BRWD3: variants seen among roughly 807,000 people sequenced by gnomAD.
The protein encoded by BRWD3 is bromodomain and WD repeat-containing protein 3.
A neutral mutation model predicts 149.7 loss-of-function variants in BRWD3; 10 were observed. The observed-to-expected ratio is 0.07, with a 90% CI of 0.04 to 0.11. BRWD3 has a LOEUF of 0.11. BRWD3 is among the 10% of genes least tolerant of loss of function. BRWD3 has a pLI of 1.00. For missense variants in BRWD3, 940 were observed against 1,373.2 expected, an observed-to-expected ratio of 0.68 and a Z score of 4.99; for synonymous variants, 504 against 456.7, an observed-to-expected ratio of 1.10 and a Z score of -1.32.
intron 22 of BRWD3, among the ~76,000 whole-genome samples, chrX:80,706,158 GAGTGC>G (rs2072861266): frequency 9.1e-6 from 1 of 110,392 alleles, no homozygotes; most frequent in South Asian, 3.9e-4. Flanking sequence ...GCACAGGCTG[GAGTGC>G]AATGGCGCAA....
chrX:80,732,697 A>C (rs1265379021), intron 12 of BRWD3, among the ~76,000 whole-genome samples: 2 of 111,988 alleles, frequency 1.8e-5, no homozygotes, highest in African/African-American at 6.5e-5. Flanking sequence ...AGCAGGGTAC[A>C]TCAATTAGGC....
Position 80,736,088 on chromosome X carries a change from ACT to A in BRWD3, c.814-2_814-1del. The A allele has an allele frequency of 8.8e-7, 1 of 1,138,276 alleles. No homozygotes were observed. The highest frequency in any genetic ancestry group is 1.8e-5 in the African/African-American group (1 of 56,019). 93.8% of individuals were successfully genotyped at this position (1,138,276 alleles called of 1,213,427 possible). On this transcript the variant is annotated splice_acceptor_variant, in intron 8 of 40. Coordinates refer to ENST00000373275, the MANE Select transcript of BRWD3 (RefSeq NM_153252.5). LOFTEE classifies it high-confidence loss of function. ...TTTGTGCCTTTAGTTGATGGACAAA[ACT>A]TAAAAAAAAAAAAATCTGATTCAAA...
chrX:80,682,014 G>A lies in BRWD3; in HGVS notation c.4478C>T (p.Ser1493Phe), dbSNP rs770061632. 2 of 1,205,779 alleles carry A rather than the reference G, an allele frequency of 1.7e-6. No homozygotes were observed. The highest frequency in any genetic ancestry group is 3.5e-5 in the South Asian group (2 of 56,862). Residue 1493 changes from serine (S) to phenylalanine (F), a missense_variant, in exon 39 of 41, where the codon TCT becomes TTT. Physicochemically the swap from Ser to Phe is radical, Grantham distance 155. This residue lies in a region of BRWD3 where 349 missense variants were observed against 419.6 expected (regional missense o/e 0.83). Coordinates refer to ENST00000373275, the MANE Select transcript of BRWD3 (RefSeq NM_153252.5). ...ATATTTACCAGGAGATGAGAAAGGA[G>A]AGCTAGTCCTGGCATGAGATACTGA... ...NTSVSHARTS[S>F]PFSSPVSDAA...
In BRWD3 at chrX:80,719,599, C is replaced by T; in HGVS notation, c.1934G>A (p.Ser645Asn). The T allele has an allele frequency of 8.3e-7, 1 of 1,209,972 alleles. No individual in the cohort carries two copies. Among genetic ancestry groups the T allele is most frequent in the Non-Finnish European group, 1.1e-6 (1 of 894,297 alleles). The change falls in exon 18 of 41, where the codon AGC (serine) becomes AAC (asparagine). Residue 645 changes from serine (S) to asparagine (N), a missense_variant. Physicochemically the swap from Ser to Asn is conservative, Grantham distance 46. Around this residue, in one of 6 missense-constraint regions of BRWD3, gnomAD observed 209 missense variants for 396.8 expected, o/e 0.53. Coordinates refer to ENST00000373275, the MANE Select transcript of BRWD3 (RefSeq NM_153252.5). ...CTCCCTGATTATTCCATCAAGAATG[C>T]TCTCATCTTGGTCATTGGTTTGCTG... ...IGQQTNDQDESILDGIIRELQ... is the reference protein window; with the variant it reads ...IGQQTNDQDENILDGIIRELQ...
intron 5 of BRWD3, 139 bp downstream of exon 5, chrX:80,793,483 A>T: frequency 1.5e-6 from 1 of 658,341 alleles, no homozygotes; most frequent in African/African-American, 2.2e-5. Context: ...TTACTTGTAC[A>T]CTAAGAAAAC....
chrX:80,712,566 G>A (rs1354647054), intron 20 of BRWD3, among the ~76,000 whole-genome samples: 11 of 109,681 alleles, frequency 1.0e-4, no homozygotes, highest in Non-Finnish European at 1.9e-5. Flanking sequence ...CTGCCCGGCC[G>A]CCACCCTGTC....
In BRWD3 at chrX:80,710,379, C is replaced by A; in HGVS notation, c.2326-802G>T. 8.9e-6 allele frequency: 3 copies of A among 335,760 alleles called. No individual in the cohort carries two copies. In the South Asian group the frequency reaches 1.0e-4, roughly 11 times the overall value. 27.7% of individuals were successfully genotyped at this position (335,760 alleles called of 1,213,427 possible). The stretch of plus-strand genomic sequence containing the variant: ...CCTGGTCATCTGCTGACTATTTTGA[C>A]TACAGAGCTACGTCCACTGGGGCCC... On this transcript the variant is annotated intron_variant, in intron 20 of 40. Transcript: ENST00000373275.
intron 6 of BRWD3, among the ~76,000 whole-genome samples, chrX:80,788,798 C>T (rs752472510): frequency 6.3e-5 from 7 of 111,795 alleles, no homozygotes; most frequent in African/African-American, 1.3e-4. Flanking sequence ...TGAAATGACA[C>T]GCATGAATTT....
chrX:80,750,857 TACACACACACAC>T (rs59394410), intron 6 of BRWD3, among the ~76,000 whole-genome samples: 19 of 93,948 alleles, frequency 2.0e-4, no homozygotes, highest in Admixed American at 6.0e-4. Context: ...ATGTGTTTTA[TACACACACACAC>T]ACACACACAC....
At chrX:80,709,352 G>T in intron 21 of BRWD3, 76 bp downstream of exon 21, 1 of 841,418 alleles carries the variant, frequency 1.2e-6, no homozygotes, top group Non-Finnish European at 1.7e-6. Context: ...TTAAAGAAGT[G>T]ACCCTTAAAC....
At position 80,788,571 on chromosome X, in the gene BRWD3, G is replaced by A. The variant is rs536291056; in HGVS notation, c.430+3283C>T. Among the ~76,000 whole-genome samples, 21 of 111,222 alleles carry A rather than the reference G, an allele frequency of 1.9e-4. No individual in the cohort carries two copies. The South Asian group carries it at 7.9e-3, about 42-fold the overall frequency. ...ATAATAGCTACTTTCACAACAGTTCGGCAGTTTCTTATAAAGTTAAAGTTG... is the reference window on the plus strand; with the variant it reads ...ATAATAGCTACTTTCACAACAGTTCAGCAGTTTCTTATAAAGTTAAAGTTG... On this transcript the variant is annotated intron_variant, in intron 6 of 40. Transcript: ENST00000373275.
At position 80,691,828 on chromosome X, in the gene BRWD3, G is replaced by C; in HGVS notation, c.3476C>G (p.Ser1159Cys). 3 of 1,209,948 alleles carry C rather than the reference G, an allele frequency of 2.5e-6. No individual in the cohort carries two copies. Among genetic ancestry groups the C allele is most frequent in the Non-Finnish European group, 3.4e-6 (3 of 895,083 alleles). Reference protein sequence around the residue: ...RVIQGINHLLSLDFASPFAVP... With the variant: ...RVIQGINHLLCLDFASPFAVP... ...TTTTTTCACATTCATCATACCCAGG[G>C]AAAGAAGGTGGTTGATGCCCTGAAT... Residue 1159 changes from serine (S) to cysteine (C), a missense_variant, in exon 30 of 41, where the codon TCC (serine) becomes TGC (cysteine). Transcript: ENST00000373275.
chrX:80,685,430 C>G, intron 36 of BRWD3, 32 bp downstream of exon 36: 1 of 1,132,788 alleles, frequency 8.8e-7, no homozygotes, highest in Non-Finnish European at 1.2e-6. Context: ...TAAAAACAAT[C>G]AATATGTCTT....
chrX:80,733,219 T>A, intron 12 of BRWD3: 1 of 304,007 alleles, frequency 3.3e-6, no homozygotes, highest in Non-Finnish European at 5.7e-6. Context: ...CTAACAGAAA[T>A]AGAGCAAAAT....
chrX:80,678,663 C>A (rs778479850), intron 40 of BRWD3, among the ~76,000 whole-genome samples: 20 of 111,009 alleles, frequency 1.8e-4, no homozygotes, highest in Non-Finnish European at 2.6e-4. Flanking sequence ...GATGTTCAAA[C>A]ATTTAAAGAT....
chrX:80,670,877 T>A lies in BRWD3; in HGVS notation c.*5732A>T, dbSNP rs1044302436. Reference sequence around the variant, plus strand: ...ACTTTTTTCCTAAATGCATTTTTTTTATTCTAAATACACAAAATACACAGT... The same window carrying A: ...ACTTTTTTCCTAAATGCATTTTTTTAATTCTAAATACACAAAATACACAGT... On this transcript the variant is annotated 3_prime_UTR_variant, in exon 41 of 41. Transcript: ENST00000373275. 1.8e-5 allele frequency: 2 copies of A among 111,781 alleles called. No homozygotes were observed. The highest frequency in any genetic ancestry group is 6.5e-5 in the African/African-American group (2 of 30,757). 9.2% of individuals were successfully genotyped at this position (111,781 alleles called of 1,213,427 possible).
At chrX:80,725,980 T>C (rs768856243) in intron 14 of BRWD3, among the ~76,000 whole-genome samples, 5 of 102,819 alleles carry the variant, frequency 4.9e-5, no homozygotes, top group Non-Finnish European at 8.0e-5. Flanking sequence ...TTACATGTTA[T>C]ATGTCTATAT....
chrX:80,741,977 T>C (rs1569270179), intron 8 of BRWD3, among the ~76,000 whole-genome samples: 1 of 111,783 alleles, frequency 8.9e-6, no homozygotes, highest in Non-Finnish European at 1.9e-5. Flanking sequence ...AGACATGAAG[T>C]CCTTGCCCAT....
chrX:80,787,572 C>CAAA (rs751098940), intron 6 of BRWD3, among the ~76,000 whole-genome samples: 1 of 48,590 alleles, frequency 2.1e-5, no homozygotes, highest in African/African-American at 7.1e-5. Context: ...CACCCATATG[C>CAAA]AAAAAAAAAA....
Sources: gnomAD v4.1 joint callset for allele counts (sites outside exome capture counted in the v4.1 genomes callset) on GRCh38, gnomAD v4.1.1 for gene constraint, gnomAD v4.1.1 regional missense constraint, MANE v1.5 for transcripts, NCBI Gene and HGNC (gene_info 2026-07-23, HGNC 2026-07-21) for gene names.